The following KRT76 variants were observed in gnomAD, a reference collection of about 807,000 sequenced individuals.
KRT76 encodes keratin, type II cytoskeletal 2 oral.
In KRT76, 47 loss-of-function variants were observed where a neutral mutation model predicts 44.9. The observed-to-expected ratio is 1.05, with a 90% CI of 0.83 to 1.33. KRT76 has a LOEUF of 1.33. Ranked by LOEUF, KRT76 falls within the 40% of genes most tolerant of loss-of-function variation. KRT76 has a pLI of 0.00. For synonymous variants in KRT76, 331 were observed against 294.1 expected (o/e 1.13, Z -1.28); for missense variants, 860 against 775.8 (o/e 1.11, Z -1.29).
chr12:52,771,209 A>C lies in KRT76; in HGVS notation c.1274T>G (p.Leu425Arg). Reference protein sequence around the residue: ...IENVKKQNANLQTAIAEAEQR... With the variant: ...IENVKKQNANRQTAIAEAEQR... Reference sequence around the variant, plus strand: ...CTCAGCCTCTGCAATTGCCGTCTGCAGGTTGGCATTCTGAGGTAGAAAATC... The same window carrying C: ...CTCAGCCTCTGCAATTGCCGTCTGCCGGTTGGCATTCTGAGGTAGAAAATC... The change falls in exon 7 of 9, where the codon CTG becomes CGG. Residue 425 changes from leucine to arginine, a missense_variant. By Grantham distance (102) the Leu-to-Arg change is moderately radical (BLOSUM62 -2). Coordinates refer to ENST00000332411, the MANE Select transcript of KRT76 (RefSeq NM_015848.4). 5.0e-6 allele frequency: 8 copies of C among 1,614,168 alleles called. No individual in the cohort carries two copies. The highest frequency in any genetic ancestry group is 5.9e-6 in the Non-Finnish European group (7 of 1,180,044).
intron 7 of KRT76, 75 bp from the exon 8 acceptor site, chr12:52,769,658 G>A: frequency 7.5e-7 from 1 of 1,330,554 alleles, no homozygotes; most frequent in South Asian, 1.2e-5. Context: ...CACAACTTTG[G>A]GAGCCACGCC....
chr12:52,770,401 A>T (rs1257656630), intron 7 of KRT76, among the ~76,000 whole-genome samples: 1 of 152,184 alleles, frequency 6.6e-6, no homozygotes, highest in Admixed American at 6.5e-5. Flanking sequence ...TTAGCATTTG[A>T]TAAACACTTG....
chr12:52,768,681 A>G lies in KRT76; in HGVS notation c.*32T>C, dbSNP rs1939127913. On this transcript the variant is annotated 3_prime_UTR_variant, in exon 9 of 9. Transcript: ENST00000332411. The stretch of plus-strand genomic sequence containing the variant: ...AAACACTATTGCAGGCTGAGTGGGA[A>G]GCAGGTGGTTATAGAGATTTGGAAC... 6.4e-7 allele frequency: 1 copy of G among 1,561,788 alleles called. No individual in the cohort carries two copies. The highest frequency in any genetic ancestry group is 8.7e-7 in the Non-Finnish European group (1 of 1,146,210).
rs1185529395 is a variant in KRT76 at position 52,774,428 on chromosome 12, C to T, written c.816-786G>A. Reference sequence around the variant, plus strand: ...CCTCAGTTTCTGTTTTCCTTCATTACAGTTACTTCTTATAGGAATTTCAGT... The same window carrying T: ...CCTCAGTTTCTGTTTTCCTTCATTATAGTTACTTCTTATAGGAATTTCAGT... On this transcript the variant is annotated intron_variant, in intron 2 of 8. Transcript: ENST00000332411. Among the ~76,000 whole-genome samples the T allele has an allele frequency of 4.6e-5, 7 of 152,326 alleles. No individual in the cohort carries two copies. In the East Asian group the frequency reaches 1.4e-3, roughly 29 times the overall value.
chr12:52,773,003 A>C, intron 3 of KRT76, 125 bp from the exon 4 acceptor site: 1 of 644,252 alleles, frequency 1.6e-6, no homozygotes, highest in Non-Finnish European at 2.8e-6. Flanking sequence ...GTGACTTCTC[A>C]TCTTCCCTTT....
At position 52,777,164 on chromosome 12, in the gene KRT76, G is replaced by A. The variant is rs747157198; in HGVS notation, c.128C>T (p.Ala43Val). 33 of 1,614,060 alleles carry A rather than the reference G, an allele frequency of 2.0e-5. No homozygotes were observed. The highest frequency in any genetic ancestry group is 1.6e-4 in the Middle Eastern group (1 of 6,084). The part of the protein sequence containing the change: ...VARSGGAGGG[A>V]CGFRSGAGSF... ...GCCTGCTCCGCTCCTGAAGCCACAG[G>A]CCCCTCCACCAGCTCCCCCAGAGCG... Residue 43 changes from alanine (A) to valine (V), a missense_variant, in exon 1 of 9, where the codon GCC (alanine) becomes GTC (valine). Transcript: ENST00000332411.
Position 52,776,893 on chromosome 12 carries a change from T to C in KRT76, c.399A>G (p.Val133=), listed in dbSNP as rs771302954. ...CACCAAAGCTGCCAGGCCCACCAAA[T>C]ACACCAGGACCACCAAAGCCACCAG... ...GGAGGFGGPG[V]FGGPGSFGGP... The change falls in exon 1 of 9, where the codon GTA becomes GTG. Residue 133 remains valine, a synonymous_variant. Transcript: ENST00000332411. 1 of 1,611,670 alleles carries C rather than the reference T, an allele frequency of 6.2e-7. No individual in the cohort carries two copies. The highest frequency in any genetic ancestry group is 2.2e-5 in the East Asian group (1 of 44,796).
chr12:52,768,745 T>C lies in KRT76; in HGVS notation c.1885A>G (p.Thr629Ala), dbSNP rs994303592. ...GSTSIRFSQT[T>A]SSSQHSSTK Reference sequence around the variant, plus strand: ...GTGGAGCTATGCTGGCTTGAGCTCGTGGTCTGGGAGAAGCGGATACTGGTG... The same window carrying C: ...GTGGAGCTATGCTGGCTTGAGCTCGCGGTCTGGGAGAAGCGGATACTGGTG... The change falls in exon 9 of 9, where the codon ACG becomes GCG. Residue 629 changes from threonine (T) to alanine (A), a missense_variant. By Grantham distance (58) the Thr-to-Ala change is moderately conservative. Transcript: ENST00000332411. 16 of 1,604,956 alleles carry C rather than the reference T, an allele frequency of 1.0e-5. No homozygotes were observed. Among genetic ancestry groups the C allele is most frequent in the Non-Finnish European group, 1.4e-5 (16 of 1,172,500 alleles).
At chr12:52,769,642 A>T in intron 7 of KRT76, 59 bp from the exon 8 acceptor site, 3 of 1,498,792 alleles carry the variant, frequency 2.0e-6, no homozygotes, top group Non-Finnish European at 2.8e-6. Context: ...CAAAGAGTTG[A>T]GAGTTCACAA....
intron 2 of KRT76, among the ~76,000 whole-genome samples, chr12:52,774,660 G>C (rs1486985890): frequency 6.6e-6 from 1 of 152,166 alleles, no homozygotes; most frequent in African/African-American, 2.4e-5. Context: ...ATGAATCTGA[G>C]TTGCCACTGA....
chr12:52,774,968 G>A (rs12371856), intron 2 of KRT76, among the ~76,000 whole-genome samples: 1 of 152,148 alleles, frequency 6.6e-6, no homozygotes, highest in Non-Finnish European at 1.5e-5. Context: ...CCTCTGCCTA[G>A]AATCCCCAGG....
Position 52,768,930 on chromosome 12 carries a change from G to T in KRT76, c.1700C>A (p.Thr567Asn), listed in dbSNP as rs1370627219. 5 of 1,554,280 alleles carry T rather than the reference G, an allele frequency of 3.2e-6. No individual in the cohort carries two copies. Among genetic ancestry groups the T allele is most frequent in the East Asian group, 2.3e-5 (1 of 43,848 alleles). The change falls in exon 9 of 9, where the codon ACT becomes AAT. Residue 567 changes from threonine (T) to asparagine (N), a missense_variant. Coordinates refer to ENST00000332411, the MANE Select transcript of KRT76 (RefSeq NM_015848.4). The part of the protein sequence containing the change: ...SGYGGVSSGS[T>N]GGRGSSGSYQ... ...GCTCCCGCTGCTACCCCTGCCCCCA[G>T]TGCTGCCACTGCTGACCCCTCCATA...
chr12:52,771,031 G>T lies in KRT76; in HGVS notation c.1452C>A (p.Thr484=), dbSNP rs1359507290. The T allele has an allele frequency of 6.2e-7, 1 of 1,614,112 alleles. No individual in the cohort carries two copies. Among genetic ancestry groups the T allele is most frequent in the Non-Finnish European group, 8.5e-7 (1 of 1,180,026 alleles). Residue 484 remains threonine, a synonymous_variant, in exon 7 of 9, where the codon ACC becomes ACA. Coordinates refer to ENST00000332411, the MANE Select transcript of KRT76 (RefSeq NM_015848.4). ...CCTCTCCCTCCAGCAGCTTGCGGTA[G>T]GTGGCAATCTCCACATCCAGGGCCA... The part of the protein sequence containing the change: ...VKLALDVEIA[T]YRKLLEGEEC...
In KRT76 at chr12:52,777,063, G is replaced by C. The variant is rs61730593; in HGVS notation, c.229C>G (p.Arg77Gly). ...CGCCCTCCCCCAAAGCCTCCAGCCC[G>C]GGAGCTGCCAGCTGCCACGCTGATG... ...ISISVAAGSS[R>G]AGGFGGGRSS... The change falls in exon 1 of 9, where the codon CGG becomes GGG. Residue 77 changes from arginine to glycine, a missense_variant. Arg to Gly is a moderately radical substitution (Grantham distance 125, BLOSUM62 -2). Transcript: ENST00000332411. 6.2e-7 allele frequency: 1 copy of C among 1,613,978 alleles called. No homozygotes were observed. The highest frequency in any genetic ancestry group is 8.5e-7 in the Non-Finnish European group (1 of 1,180,010).
chr12:52,771,769 A>G (rs1939184592), intron 6 of KRT76, 102 bp downstream of exon 6: 9 of 1,404,448 alleles, frequency 6.4e-6, no homozygotes, highest in Non-Finnish European at 7.7e-6. Flanking sequence ...ATGTGACACC[A>G]TGAAAGGATG....
intron 7 of KRT76, 67 bp from the exon 8 acceptor site, chr12:52,769,650 C>A: frequency 6.9e-7 from 1 of 1,446,252 alleles, no homozygotes. Flanking sequence ...TGAGAGTTCA[C>A]AACTTTGGGA....
rs767185592 is a variant in KRT76, at chr12:52,769,520, G to A, written c.1519+29C>T. The stretch of plus-strand genomic sequence containing the variant: ...TTCTAGCTGCCCTTTTACAACCCAG[G>A]GAGAGGGTTTTTTGAATGGGCTACT... On this transcript the variant is annotated intron_variant, in intron 8 of 8. Coordinates refer to ENST00000332411, the MANE Select transcript of KRT76 (RefSeq NM_015848.4). The A allele has an allele frequency of 1.9e-6, 3 of 1,603,356 alleles. No homozygotes were observed. The Admixed American group carries it at 5.0e-5, about 27-fold the overall frequency.
At position 52,775,443 on chromosome 12, in the gene KRT76, TC is replaced by T. The variant is rs754304491; in HGVS notation, c.759del (p.Asn254ThrfsTer6). The T allele has an allele frequency of 6.2e-7, 1 of 1,614,064 alleles. No individual in the cohort carries two copies. The highest frequency in any genetic ancestry group is 1.1e-5 in the South Asian group (1 of 91,074). On this transcript the variant is annotated frameshift_variant, in exon 2 of 9. Transcript: ENST00000332411. LOFTEE classifies it high-confidence loss of function. ...ATGCTTTTCAGCTCTCCCTCCAGGTTCCCCCTCTCCCCTAGAAGTGAATCTA... is the reference window on the plus strand; with the variant it reads ...ATGCTTTTCAGCTCTCCCTCCAGGTTCCCCTCTCCCCTAGAAGTGAATCTA... ...KQLDSLLGERGNLEGELKSMQ... is the reference protein window; with the variant it reads ...KQLDSLLGERXNLEGELKSMQ...
Position 52,775,477 on chromosome 12 carries a change from G to T in KRT76, c.726C>A (p.Cys242Ter). 6.2e-7 allele frequency: 1 copy of T among 1,614,166 alleles called. No individual in the cohort carries two copies. Among genetic ancestry groups the T allele is most frequent in the Non-Finnish European group, 8.5e-7 (1 of 1,180,022 alleles). Residue 242 changes from cysteine (C) to a stop codon, truncating the protein, a stop_gained, in exon 2 of 9, where the codon TGC becomes TGA. Transcript: ENST00000332411. LOFTEE classifies it high-confidence loss of function. ...PCFESYISFL[C>*]KQLDSLLGER... ...CCCCTAGAAGTGAATCTAGCTGCTTGCATAGGAAGCTGATGTAGGATTCAA... is the reference window on the plus strand; with the variant it reads ...CCCCTAGAAGTGAATCTAGCTGCTTTCATAGGAAGCTGATGTAGGATTCAA...
Sources: gnomAD v4.1 joint callset for allele counts (sites outside exome capture counted in the v4.1 genomes callset) on GRCh38, gnomAD v4.1.1 for gene constraint, MANE v1.5 for transcripts, NCBI Gene and HGNC (gene_info 2026-07-23, HGNC 2026-07-21) for gene names.